CCSER1: variants seen among roughly 807,000 people sequenced by gnomAD.
CCSER1 encodes the protein coiled-coil serine rich protein 1.
A neutral mutation model predicts 82.0 loss-of-function variants in CCSER1; 41 were observed. The ratio of observed to expected loss-of-function variants is 0.50; its 90% CI spans 0.39 to 0.65. The LOEUF is 0.65. Among genes scored for constraint, CCSER1 ranks in the 30% least tolerant of loss-of-function variants. The pLI, the probability that CCSER1 is intolerant of heterozygous loss-of-function variation, is 0.00. For synonymous variants in CCSER1, 414 were observed against 383.9 expected, an observed-to-expected ratio of 1.08 and a Z score of -0.92; for missense variants, 1,119 against 1,064.2, an observed-to-expected ratio of 1.05 and a Z score of -0.72.
chr4:91,462,000 T>C (rs899409905), intron 10 of CCSER1, among the ~76,000 whole-genome samples: 3 of 152,190 alleles, frequency 2.0e-5, no homozygotes, highest in African/African-American at 7.2e-5. Context: ...CATCATAAAT[T>C]ATAATTCCAG....
chr4:90,999,143 C>T (rs1737773870), intron 9 of CCSER1, among the ~76,000 whole-genome samples: 1 of 152,130 alleles, frequency 6.6e-6, no homozygotes, highest in Admixed American at 6.5e-5. Flanking sequence ...TGTTGGACAT[C>T]TAAGTTGATT....
chr4:91,420,019 C>A (rs1578410596), intron 10 of CCSER1, among the ~76,000 whole-genome samples: 1 of 152,090 alleles, frequency 6.6e-6, no homozygotes, highest in East Asian at 1.9e-4. Flanking sequence ...GAAACTGGAC[C>A]CTTGTCTTAC....
At chr4:90,208,443 T>G (rs559615759) in intron 1 of CCSER1, among the ~76,000 whole-genome samples, 12 of 151,782 alleles carry the variant, frequency 7.9e-5, no homozygotes, top group Non-Finnish European at 1.6e-4. Flanking sequence ...CTGGGCTCTG[T>G]AGACATGGGA....
Position 90,758,898 on chromosome 4 carries a change from C to G in CCSER1, c.2010+34907C>G, listed in dbSNP as rs572130353. 2.0e-5 allele frequency among the ~76,000 whole-genome samples: 3 copies of G among 152,288 alleles called. No homozygotes were observed. In the South Asian group the frequency reaches 6.2e-4, roughly 32 times the overall value. ...CATGGTGATGGCTAAAGGGGATAATCTGTCTAAGGGGAGAAGGGATTTAAT... is the reference window on the plus strand; with the variant it reads ...CATGGTGATGGCTAAAGGGGATAATGTGTCTAAGGGGAGAAGGGATTTAAT... On this transcript the variant is annotated intron_variant, in intron 7 of 10. Transcript: ENST00000509176.
chr4:90,943,168 T>A (rs928238822), intron 9 of CCSER1, among the ~76,000 whole-genome samples: 3 of 152,022 alleles, frequency 2.0e-5, no homozygotes, highest in African/African-American at 7.2e-5. Flanking sequence ...AGAAGAAATT[T>A]CTGTGTACAT....
At chr4:90,894,874 TG>T (rs1327432977) in intron 8 of CCSER1, among the ~76,000 whole-genome samples, 8 of 152,018 alleles carry the variant, frequency 5.3e-5, no homozygotes, top group Non-Finnish European at 1.2e-4. Flanking sequence ...TCAATTTAAT[TG>T]GCATGTGGTT....
chr4:90,886,496 T>C (rs1461341158), intron 8 of CCSER1, among the ~76,000 whole-genome samples: 2 of 152,234 alleles, frequency 1.3e-5, no homozygotes, highest in Non-Finnish European at 2.9e-5. Flanking sequence ...GATGTTAAGA[T>C]ATTTCTGAAA....
intron 1 of CCSER1, among the ~76,000 whole-genome samples, chr4:90,193,828 C>T (rs7664833): frequency 0.57 from 86,298 of 151,850 alleles, 27,527 homozygotes; most frequent in African/African-American, 0.85. Flanking sequence ...TTTAATAAAT[C>T]CTGCTAGTCT....
intron 10 of CCSER1, among the ~76,000 whole-genome samples, chr4:91,476,587 G>C (rs1377156726): frequency 6.6e-6 from 1 of 151,490 alleles, no homozygotes; most frequent in Admixed American, 6.6e-5. Flanking sequence ...ACCTCAAATA[G>C]CCAAAGCAAT....
intron 5 of CCSER1, among the ~76,000 whole-genome samples, chr4:90,486,461 T>G (rs1767072127): frequency 6.6e-6 from 1 of 152,234 alleles, no homozygotes; most frequent in Admixed American, 6.5e-5. Flanking sequence ...AAACACATTG[T>G]GGCAAGTAGT....
chr4:91,396,020 C>T (rs17018448), intron 10 of CCSER1, among the ~76,000 whole-genome samples: 4,886 of 152,134 alleles, frequency 0.032, 244 homozygotes, highest in African/African-American at 0.11. Flanking sequence ...TCGTGCTCCC[C>T]ATATCCGTGT....
At chr4:91,260,368 C>T (rs1741012013) in intron 10 of CCSER1, among the ~76,000 whole-genome samples, 1 of 152,184 alleles carries the variant, frequency 6.6e-6, no homozygotes, top group African/African-American at 2.4e-5. Context: ...TACTTTCTAC[C>T]TCACTGGAAT....
intron 9 of CCSER1, among the ~76,000 whole-genome samples, chr4:91,008,490 G>A (rs1738714452): frequency 6.6e-6 from 1 of 152,214 alleles, no homozygotes; most frequent in South Asian, 2.1e-4. Flanking sequence ...TTAACTTGTA[G>A]TCTGTTTTAT....
intron 8 of CCSER1, chr4:90,839,184 A>C (rs1458681217): frequency 9.8e-6 from 7 of 712,480 alleles, no homozygotes; most frequent in Non-Finnish European, 1.7e-5. Context: ...TATTATTATG[A>C]TCTTTGTCTA....
intron 8 of CCSER1, among the ~76,000 whole-genome samples, chr4:90,869,202 G>A (rs754882134): frequency 2.0e-5 from 3 of 151,862 alleles, no homozygotes; most frequent in Non-Finnish European, 2.9e-5. Flanking sequence ...TTTTTAGCAT[G>A]ATGCGATCCC....
chr4:90,808,310 C>T lies in CCSER1; in HGVS notation c.2011-7452C>T, dbSNP rs188810904. ...ATTATATTAGAAAACCTAAGAGAAA[C>T]GATTCTGGACATTGGCTTAGGCAAA... is the stretch of plus-strand genomic sequence containing the variant. On this transcript the variant is annotated intron_variant, in intron 7 of 10. Transcript: ENST00000509176. 1.1e-4 allele frequency among the ~76,000 whole-genome samples: 17 copies of T among 152,096 alleles called. No homozygotes were observed. The East Asian group carries it at 2.5e-3, about 22-fold the overall frequency.
chr4:91,541,384 G>A (rs1002060313), intron 10 of CCSER1, among the ~76,000 whole-genome samples: 1 of 151,884 alleles, frequency 6.6e-6, no homozygotes, highest in African/African-American at 2.4e-5. Flanking sequence ...TCCCCTCCCT[G>A]CACACCATGA....
chr4:91,538,376 C>T (rs1761403036), intron 10 of CCSER1, among the ~76,000 whole-genome samples: 1 of 151,704 alleles, frequency 6.6e-6, no homozygotes, highest in African/African-American at 2.4e-5. Context: ...CATTTGCAGG[C>T]ACCAGTTATG....
intron 9 of CCSER1, among the ~76,000 whole-genome samples, chr4:90,987,177 A>G (rs563103452): frequency 6.6e-6 from 1 of 151,426 alleles, no homozygotes; most frequent in African/African-American, 2.4e-5. Flanking sequence ...CTGTCAGGAT[A>G]TGGTCTTTAC....
Sources: gnomAD v4.1 joint callset for allele counts (sites outside exome capture counted in the v4.1 genomes callset) on GRCh38, gnomAD v4.1.1 for gene constraint, MANE v1.5 for transcripts, NCBI Gene and HGNC (gene_info 2026-07-23, HGNC 2026-07-21) for gene names.